ADK: variants seen among roughly 807,000 people sequenced by gnomAD.
ADK encodes the protein adenosine kinase, also known as N6,N6-dimethyladenosine kinase.
ADK carries 24 observed loss-of-function variants against 44.7 expected under a neutral mutation model. The ratio of observed to expected loss-of-function variants is 0.54; its 90% CI spans 0.39 to 0.76. The LOEUF is 0.76. ADK is among the 30% of genes least tolerant of loss of function. ADK has a pLI of 0.00. For synonymous variants in ADK, 128 were observed against 142.6 expected, an observed-to-expected ratio of 0.90 and a Z score of 0.73; for missense variants, 321 against 425.1, an observed-to-expected ratio of 0.76 and a Z score of 2.15.
intron 6 of ADK, among the ~76,000 whole-genome samples, chr10:74,461,916 A>C (rs549510765): frequency 2.0e-5 from 3 of 152,128 alleles, no homozygotes; most frequent in Non-Finnish European, 4.4e-5. Context: ...ATGGAAAATG[A>C]AATTATCCTG....
intron 3 of ADK, among the ~76,000 whole-genome samples, chr10:74,299,499 C>A (rs1337171273): frequency 2.7e-3 from 329 of 123,950 alleles, no homozygotes; most frequent in Non-Finnish European, 3.4e-3. Flanking sequence ...GACTCTGTCT[C>A]AAAAAAAAAA....
intron 3 of ADK, among the ~76,000 whole-genome samples, chr10:74,265,130 A>G (rs1463017684): frequency 1.3e-5 from 2 of 152,092 alleles, no homozygotes; most frequent in African/African-American, 4.8e-5. Context: ...TGAAAATAAC[A>G]GTGATAATTT....
At chr10:74,580,627 T>G (rs1364316349) in intron 7 of ADK, among the ~76,000 whole-genome samples, 1 of 151,670 alleles carries the variant, frequency 6.6e-6, no homozygotes, top group African/African-American at 2.4e-5. Context: ...CTTTGCCTGC[T>G]GTCATCCATG....
chr10:74,208,568 C>T (rs1164936112), intron 2 of ADK, among the ~76,000 whole-genome samples: 1 of 152,004 alleles, frequency 6.6e-6, no homozygotes, highest in African/African-American at 2.4e-5. Flanking sequence ...TCTTTGGACC[C>T]TAACAATAAA....
At chr10:74,189,434 C>T (rs988770675) in intron 1 of ADK, among the ~76,000 whole-genome samples, 1 of 152,134 alleles carries the variant, frequency 6.6e-6, no homozygotes, top group Non-Finnish European at 1.5e-5. Flanking sequence ...GTGAATGTTA[C>T]CTGTGTCTCT....
chr10:74,436,610 T>G (rs1198324234), intron 6 of ADK, among the ~76,000 whole-genome samples: 1 of 152,096 alleles, frequency 6.6e-6, no homozygotes. Flanking sequence ...GCCCCTATAA[T>G]ATGCTTAACT....
chr10:74,279,631 T>C (rs1211223480), intron 3 of ADK, among the ~76,000 whole-genome samples: 1 of 151,952 alleles, frequency 6.6e-6, no homozygotes, highest in African/African-American at 2.4e-5. Flanking sequence ...ACCAACAGAA[T>C]TGCCAAACTT....
At chr10:74,323,602 G>A (rs751481485) in intron 4 of ADK, among the ~76,000 whole-genome samples, 5 of 147,124 alleles carry the variant, frequency 3.4e-5, no homozygotes, top group East Asian at 4.0e-4. Context: ...ATGGAGTCTC[G>A]CACTGTCGTC....
At chr10:74,635,804 C>T (rs1334626553) in intron 9 of ADK, among the ~76,000 whole-genome samples, 1 of 151,928 alleles carries the variant, frequency 6.6e-6, no homozygotes, top group Non-Finnish European at 1.5e-5. Context: ...CACTTTCAGA[C>T]TAGGTGCAGT....
chr10:74,678,085 G>A (rs189362498), intron 10 of ADK, among the ~76,000 whole-genome samples: 1 of 148,150 alleles, frequency 6.7e-6, no homozygotes, highest in African/African-American at 2.5e-5. Flanking sequence ...AGGCTGCAGT[G>A]AGCTGAGGTC....
chr10:74,473,878 G>A (rs1846707651), intron 6 of ADK, among the ~76,000 whole-genome samples: 1 of 152,122 alleles, frequency 6.6e-6, no homozygotes, highest in Non-Finnish European at 1.5e-5. Context: ...CCTCATAGAG[G>A]AAGGATATAG....
chr10:74,227,381 G>GAGT (rs1348326359), intron 3 of ADK, among the ~76,000 whole-genome samples: 22 of 152,138 alleles, frequency 1.4e-4, no homozygotes, highest in Admixed American at 1.4e-3. Context: ...ACCAATAAGA[G>GAGT]AGTACAGTGA....
At chr10:74,226,675 T>G (rs181319184) in intron 3 of ADK, among the ~76,000 whole-genome samples, 1 of 152,256 alleles carries the variant, frequency 6.6e-6, no homozygotes, top group East Asian at 1.9e-4. Context: ...GTTCTAAAAT[T>G]TCTTATAAAC....
Position 74,169,818 on chromosome 10 carries a change from A to G in ADK, c.65+18475A>G, listed in dbSNP as rs146004419. 6.6e-4 allele frequency among the ~76,000 whole-genome samples: 100 copies of G among 152,338 alleles called. 1 individual carries two copies. The highest frequency in any genetic ancestry group is 1.2e-3 in the African/African-American group (51 of 41,582). The stretch of plus-strand genomic sequence containing the variant: ...TTATCAACTCCTTTAAAAAAATTCA[A>G]TATGTTTTGAGATACAAGTATGCAC... On this transcript the variant is annotated intron_variant, in intron 1 of 10. Transcript: ENST00000539909.
chr10:74,267,754 TTGTG>T (rs372502769), intron 3 of ADK, among the ~76,000 whole-genome samples: 1,715 of 132,824 alleles, frequency 0.013, 25 homozygotes, highest in African/African-American at 0.034. Flanking sequence ...ATATCCTTAT[TTGTG>T]TGTGTGTGTG....
intron 6 of ADK, among the ~76,000 whole-genome samples, chr10:74,406,831 T>C (rs1232215107): frequency 1.3e-5 from 2 of 151,712 alleles, no homozygotes; most frequent in African/African-American, 4.8e-5. Context: ...CAGGCACGCC[T>C]CACCACACCC....
At chr10:74,569,172 A>G (rs1245080244) in intron 7 of ADK, among the ~76,000 whole-genome samples, 3 of 152,108 alleles carry the variant, frequency 2.0e-5, no homozygotes, top group Non-Finnish European at 4.4e-5. Flanking sequence ...AATCCAGTCT[A>G]TCATTGTTGG....
At chr10:74,300,259 T>C (rs1310006762) in intron 3 of ADK, among the ~76,000 whole-genome samples, 1 of 60,908 alleles carries the variant, frequency 1.6e-5, no homozygotes, top group African/African-American at 4.9e-5. Context: ...TCTCTCCTTG[T>C]TTCCTTCCTT....
In ADK at chr10:74,305,125, T is replaced by G. The variant is rs140935530; in HGVS notation, c.195-9542T>G. Among the ~76,000 whole-genome samples the G allele has an allele frequency of 2.7e-3, 411 of 152,318 alleles. 1 individual carries two copies. Among genetic ancestry groups the G allele is most frequent in the African/African-American group, 9.4e-3 (390 of 41,568 alleles). On this transcript the variant is annotated intron_variant, in intron 3 of 10. Coordinates refer to ENST00000539909, the MANE Select transcript of ADK (RefSeq NM_006721.4). ...AATGCTGTGTAAGTAGTTGTTATAC[T>G]CTCTTGTTTAGGGAATAATGTCAAG...
Sources: allele counts gnomAD v4.1 joint callset (sites outside exome capture counted in the v4.1 genomes callset), GRCh38; gene constraint gnomAD v4.1.1; transcripts MANE v1.5; gene names NCBI Gene and HGNC (gene_info 2026-07-23, HGNC 2026-07-21).